Variants in KCNH7 observed in about 807,000 individuals in gnomAD.
KCNH7 encodes the protein voltage-gated inwardly rectifying potassium channel KCNH7.
Under a neutral mutation model 120.8 loss-of-function variants are expected in KCNH7, and 49 were observed. The observed-to-expected ratio is 0.41, with a 90% confidence interval of 0.32 to 0.51. KCNH7 has a LOEUF of 0.51. Among genes scored for constraint, KCNH7 ranks in the 20% least tolerant of loss-of-function variants. The pLI, the probability that KCNH7 is intolerant of heterozygous loss-of-function variation, is 0.38. For missense variants in KCNH7, 1,097 were observed against 1,446.6 expected, an observed-to-expected ratio of 0.76 and a Z score of 3.92; for synonymous variants, 547 against 516.1, an observed-to-expected ratio of 1.06 and a Z score of -0.81.
intron 2 of KCNH7, among the ~76,000 whole-genome samples, chr2:162,659,032 C>T (rs943765498): frequency 5.3e-5 from 8 of 152,150 alleles, no homozygotes; most frequent in Non-Finnish European, 7.4e-5. Flanking sequence ...AGGAGACACC[C>T]TTGCCTTGTT....
At chr2:162,780,166 T>C (rs2105491920) in intron 2 of KCNH7, among the ~76,000 whole-genome samples, 1 of 152,284 alleles carries the variant, frequency 6.6e-6, no homozygotes, top group South Asian at 2.1e-4. Context: ...AAATAGTCAG[T>C]AGTAATCCAC....
intron 5 of KCNH7, among the ~76,000 whole-genome samples, chr2:162,511,249 C>A (rs2105769596): frequency 6.6e-6 from 1 of 151,620 alleles, no homozygotes; most frequent in South Asian, 2.1e-4. Context: ...TTAAACAAGT[C>A]CAATTTTCTA....
intron 3 of KCNH7, among the ~76,000 whole-genome samples, chr2:162,521,521 TAAG>T (rs887597999): frequency 6.6e-4 from 100 of 152,046 alleles, no homozygotes; most frequent in African/African-American, 2.4e-3. Flanking sequence ...TTTGAGAATT[TAAG>T]AAGGCCACTT....
intron 2 of KCNH7, among the ~76,000 whole-genome samples, chr2:162,653,743 C>T (rs1464563444): frequency 6.6e-6 from 1 of 151,998 alleles, no homozygotes; most frequent in Non-Finnish European, 1.5e-5. Context: ...ACTTGACTTC[C>T]AAATATACGG....
intron 2 of KCNH7, among the ~76,000 whole-genome samples, chr2:162,627,575 G>A (rs1238426850): frequency 6.6e-6 from 1 of 152,142 alleles, no homozygotes; most frequent in African/African-American, 2.4e-5. Context: ...ATTCTTGAAT[G>A]AAGTAAAAAC....
At chr2:162,597,557 G>T (rs566509652) in intron 2 of KCNH7, among the ~76,000 whole-genome samples, 1 of 152,202 alleles carries the variant, frequency 6.6e-6, no homozygotes, top group Admixed American at 6.6e-5. Context: ...GTAAATGGCA[G>T]CGTTGGTGGA....
At chr2:162,752,707 T>A (rs1002599373) in intron 2 of KCNH7, among the ~76,000 whole-genome samples, 1 of 151,412 alleles carries the variant, frequency 6.6e-6, no homozygotes, top group Non-Finnish European at 1.5e-5. Flanking sequence ...AAGACCAGCC[T>A]GGACAACATG....
chr2:162,703,986 T>C (rs1433542208), intron 2 of KCNH7, among the ~76,000 whole-genome samples: 1 of 152,158 alleles, frequency 6.6e-6, no homozygotes, highest in Admixed American at 6.6e-5. Flanking sequence ...AACTTTTTTT[T>C]ACTAACATAA....
chr2:162,780,083 G>A (rs1323638830), intron 2 of KCNH7, among the ~76,000 whole-genome samples: 1 of 152,136 alleles, frequency 6.6e-6, no homozygotes, highest in African/African-American at 2.4e-5. Context: ...TTATGAATTT[G>A]ATAAAGAAGA....
intron 6 of KCNH7, among the ~76,000 whole-genome samples, chr2:162,486,025 A>G (rs1364916288): frequency 1.3e-5 from 2 of 152,206 alleles, no homozygotes; most frequent in African/African-American, 4.8e-5. Flanking sequence ...TCAAATGTAA[A>G]AAGGGTCAAT....
At chr2:162,423,243 G>C (rs373927171) in intron 9 of KCNH7, 93 bp downstream of exon 9, 24 of 1,602,170 alleles carry the variant, frequency 1.5e-5, no homozygotes, top group Non-Finnish European at 2.0e-5. Context: ...ACAAAAGCAA[G>C]GGGTTCAAAG....
At chr2:162,734,766 G>A (rs1687842115) in intron 2 of KCNH7, among the ~76,000 whole-genome samples, 1 of 151,902 alleles carries the variant, frequency 6.6e-6, no homozygotes, top group African/African-American at 2.4e-5. Flanking sequence ...CTCAATACAT[G>A]AAGTTTATAC....
intron 6 of KCNH7, among the ~76,000 whole-genome samples, chr2:162,470,338 G>A (rs555053705): frequency 3.6e-4 from 55 of 151,342 alleles, no homozygotes; most frequent in Non-Finnish European, 5.5e-4. Flanking sequence ...GGGATGTGAG[G>A]AGCGCCTCTG....
chr2:162,372,819 C>T (rs1476760451), intron 15 of KCNH7, among the ~76,000 whole-genome samples: 1 of 152,094 alleles, frequency 6.6e-6, no homozygotes, highest in Non-Finnish European at 1.5e-5. Flanking sequence ...GCAAGGAAAG[C>T]TAGACTACTT....
At chr2:162,814,822 TTTG>T (rs575063727) in intron 2 of KCNH7, among the ~76,000 whole-genome samples, 40 of 152,116 alleles carry the variant, frequency 2.6e-4, no homozygotes, top group Non-Finnish European at 4.7e-4. Flanking sequence ...CAGCAGTCTT[TTTG>T]TTGTTGTTGT....
chr2:162,679,861 T>C (rs1685654783), intron 2 of KCNH7, among the ~76,000 whole-genome samples: 1 of 151,754 alleles, frequency 6.6e-6, no homozygotes, highest in Non-Finnish European at 1.5e-5. Flanking sequence ...TAATGTGCTT[T>C]TGAAGAACCT....
At chr2:162,684,980 A>C (rs1685835914) in intron 2 of KCNH7, among the ~76,000 whole-genome samples, 1 of 152,194 alleles carries the variant, frequency 6.6e-6, no homozygotes, top group African/African-American at 2.4e-5. Context: ...TGGATAAAGA[A>C]AATGCGGCAT....
chr2:162,636,041 T>G (rs1252476368), intron 2 of KCNH7, among the ~76,000 whole-genome samples: 1 of 152,114 alleles, frequency 6.6e-6, no homozygotes, highest in Non-Finnish European at 1.5e-5. Context: ...GCTTCCTTTT[T>G]GACACCTACT....
At chr2:162,830,785 G>A (rs1340968903) in intron 2 of KCNH7, among the ~76,000 whole-genome samples, 2 of 152,142 alleles carry the variant, frequency 1.3e-5, no homozygotes, top group Non-Finnish European at 1.5e-5. Context: ...ATTCTGCCAT[G>A]TGAGACCACA....
Sources: allele counts gnomAD v4.1 joint callset (sites outside exome capture counted in the v4.1 genomes callset), GRCh38; gene constraint gnomAD v4.1.1; transcripts MANE v1.5; gene names NCBI Gene and HGNC (gene_info 2026-07-23, HGNC 2026-07-21).